The following PTPRM variants were observed in gnomAD, a reference collection of about 807,000 sequenced individuals.
PTPRM encodes the protein receptor-type tyrosine-protein phosphatase mu.
A neutral mutation model predicts 186.7 loss-of-function variants in PTPRM; 47 were observed. That is an observed-to-expected ratio of 0.25 (90% CI 0.20 to 0.32). The LOEUF is 0.32. Among genes scored for constraint, PTPRM ranks in the 10% least tolerant of loss-of-function variants. The pLI, the probability that PTPRM is intolerant of heterozygous loss-of-function variation, is 1.00. For missense variants in PTPRM, 1,494 were observed against 1,865.0 expected, an observed-to-expected ratio of 0.80 and a Z score of 3.66; for synonymous variants, 668 against 674.9, an observed-to-expected ratio of 0.99 and a Z score of 0.16.
chr18:7,664,605 TGTGGCTGGGCTTTCCTTGCAGCGTG>T (rs1027165593), intron 1 of PTPRM, among the ~76,000 whole-genome samples: 4 of 152,228 alleles, frequency 2.6e-5, no homozygotes, highest in Admixed American at 2.0e-4. Flanking sequence ...CTACTCTTCA[TGTGGCTGGGCTTTCCTTGCAGCGTG>T]GTGGCTGGGT....
At chr18:8,063,746 A>C (rs950788602) in intron 7 of PTPRM, among the ~76,000 whole-genome samples, 3 of 152,214 alleles carry the variant, frequency 2.0e-5, no homozygotes, top group Non-Finnish European at 4.4e-5. Context: ...TAAAAATTTA[A>C]CTTAAAAAAA....
intron 19 of PTPRM, among the ~76,000 whole-genome samples, chr18:8,286,895 C>CA (rs1243858868): frequency 6.6e-6 from 1 of 150,878 alleles, no homozygotes. Context: ...TAATAGGTGT[C>CA]AAAAAAAGAG....
At chr18:8,237,385 T>C (rs532385839) in intron 14 of PTPRM, among the ~76,000 whole-genome samples, 2 of 152,040 alleles carry the variant, frequency 1.3e-5, no homozygotes, top group South Asian at 2.1e-4. Context: ...TGAAGAACTT[T>C]TTAATATTTT....
chr18:7,580,692 G>C (rs1217179919), intron 1 of PTPRM, among the ~76,000 whole-genome samples: 2 of 152,172 alleles, frequency 1.3e-5, no homozygotes, highest in African/African-American at 4.8e-5. Flanking sequence ...TTGGCTGAGA[G>C]AATCAACGGA....
chr18:8,292,975 C>T (rs368701998), intron 19 of PTPRM, among the ~76,000 whole-genome samples: 2 of 152,120 alleles, frequency 1.3e-5, no homozygotes, highest in African/African-American at 2.4e-5. Flanking sequence ...ACACTGACTT[C>T]GGATCTAGGT....
chr18:8,307,193 G>A (rs1488134717), intron 20 of PTPRM, among the ~76,000 whole-genome samples: 1 of 152,160 alleles, frequency 6.6e-6, no homozygotes, highest in Non-Finnish European at 1.5e-5. Context: ...TACATTCACC[G>A]ACTTAATGTG....
chr18:7,848,983 G>C (rs774404408), intron 2 of PTPRM, among the ~76,000 whole-genome samples: 1 of 151,972 alleles, frequency 6.6e-6, no homozygotes, highest in Non-Finnish European at 1.5e-5. Context: ...AGATATCTCT[G>C]AGCTTTGATT....
chr18:8,219,622 A>G (rs574603344), intron 14 of PTPRM, among the ~76,000 whole-genome samples: 1 of 152,312 alleles, frequency 6.6e-6, no homozygotes, highest in African/African-American at 2.4e-5. Context: ...CAATACATGG[A>G]AGATATTGAT....
intron 1 of PTPRM, among the ~76,000 whole-genome samples, chr18:7,681,791 T>C (rs1423536769): frequency 6.6e-6 from 1 of 152,166 alleles, no homozygotes; most frequent in Non-Finnish European, 1.5e-5. Flanking sequence ...AAAAATGTGG[T>C]CTTCTCATAC....
At chr18:7,677,993 C>A (rs1249280383) in intron 1 of PTPRM, among the ~76,000 whole-genome samples, 1 of 151,916 alleles carries the variant, frequency 6.6e-6, no homozygotes, top group Non-Finnish European at 1.5e-5. Context: ...ACTCCGGGCA[C>A]CTGAGTGTAT....
intron 2 of PTPRM, among the ~76,000 whole-genome samples, chr18:7,864,603 T>C (rs774996209): frequency 1.3e-4 from 20 of 152,222 alleles, no homozygotes; most frequent in Non-Finnish European, 2.8e-4. Flanking sequence ...ACTGTAGCCT[T>C]GTAGTATAGT....
chr18:8,266,459 C>T (rs769667494), intron 19 of PTPRM, among the ~76,000 whole-genome samples: 5 of 151,422 alleles, frequency 3.3e-5, no homozygotes, highest in African/African-American at 9.7e-5. Context: ...TGTATAAATT[C>T]GTATTATTGT....
At chr18:8,024,552 T>TA (rs1240813436) in intron 7 of PTPRM, among the ~76,000 whole-genome samples, 1 of 152,130 alleles carries the variant, frequency 6.6e-6, no homozygotes, top group Non-Finnish European at 1.5e-5. Flanking sequence ...AACCAGGACA[T>TA]ATGGGCACTC....
chr18:7,623,911 C>T (rs1598556341), intron 1 of PTPRM, among the ~76,000 whole-genome samples: 1 of 152,072 alleles, frequency 6.6e-6, no homozygotes, highest in East Asian at 1.9e-4. Flanking sequence ...TTTCTTGCTG[C>T]ACTGTTCTGC....
chr18:8,017,035 T>C (rs949001592), intron 7 of PTPRM, among the ~76,000 whole-genome samples: 2 of 152,246 alleles, frequency 1.3e-5, no homozygotes, highest in African/African-American at 2.4e-5. Context: ...CGATTTTTTT[T>C]CTACATTCAT....
chr18:7,765,796 G>C (rs1347133763), intron 1 of PTPRM, among the ~76,000 whole-genome samples: 2 of 152,092 alleles, frequency 1.3e-5, no homozygotes, highest in Admixed American at 6.5e-5. Context: ...TTTGATGAAG[G>C]CTGACTTAAA....
At chr18:7,680,844 G>GT (rs2039464205) in intron 1 of PTPRM, among the ~76,000 whole-genome samples, 1 of 152,224 alleles carries the variant, frequency 6.6e-6, no homozygotes, top group Non-Finnish European at 1.5e-5. Context: ...GGGCTATGGG[G>GT]TGGGAGTGTT....
At chr18:7,788,385 T>C (rs750004608) in intron 2 of PTPRM, among the ~76,000 whole-genome samples, 2 of 152,176 alleles carry the variant, frequency 1.3e-5, no homozygotes, top group Non-Finnish European at 2.9e-5. Flanking sequence ...AATATTTTGC[T>C]TTGGAAAAAT....
intron 20 of PTPRM, among the ~76,000 whole-genome samples, chr18:8,310,062 C>T (rs1249063866): frequency 1.3e-5 from 2 of 152,152 alleles, no homozygotes; most frequent in Non-Finnish European, 2.9e-5. Flanking sequence ...CCATGGTTCA[C>T]ATCTTAGTCA....
Sources: allele counts gnomAD v4.1 joint callset (sites outside exome capture counted in the v4.1 genomes callset), GRCh38; gene constraint gnomAD v4.1.1; transcripts MANE v1.5; gene names NCBI Gene and HGNC (gene_info 2026-07-23, HGNC 2026-07-21).